MYT1L: variants seen among roughly 807,000 people sequenced by gnomAD.
The protein encoded by MYT1L is myelin transcription factor 1-like protein.
In MYT1L, 12 loss-of-function variants were observed where a neutral mutation model predicts 126.7. The ratio of observed to expected loss-of-function variants is 0.09; its 90% CI spans 0.06 to 0.15. The LOEUF (loss-of-function observed/expected upper bound fraction) is 0.15. MYT1L is among the 10% of genes least tolerant of loss of function. The probability of loss-of-function intolerance (pLI) is 1.00; values close to 1 mark genes in which losing one functional copy is unlikely to be tolerated. For synonymous variants in MYT1L, 541 were observed against 604.2 expected (o/e 0.90, Z 1.53); for missense variants, 979 against 1,585.2 (o/e 0.62, Z 6.49).
chr2:2,012,709 G>A (rs937560710), intron 4 of MYT1L, among the ~76,000 whole-genome samples: 2 of 152,136 alleles, frequency 1.3e-5, no homozygotes, highest in Admixed American at 1.3e-4. Flanking sequence ...GTTCCATCTG[G>A]CTGGGACATG....
intron 21 of MYT1L, among the ~76,000 whole-genome samples, chr2:1,832,294 AGATCAGCTGGAACCT>A (rs2040298549): frequency 6.6e-6 from 1 of 152,296 alleles, no homozygotes; most frequent in East Asian, 1.9e-4. Flanking sequence ...CCCAGAAACC[AGATCAGCTGGAACCT>A]GATCTCAGAC....
At chr2:2,267,507 G>C (rs1031967640) in intron 2 of MYT1L, among the ~76,000 whole-genome samples, 2 of 152,114 alleles carry the variant, frequency 1.3e-5, no homozygotes, top group African/African-American at 4.8e-5. Flanking sequence ...GAAATGAGGG[G>C]GATGAAACCT....
chr2:2,107,824 G>A (rs1011127616), intron 3 of MYT1L, among the ~76,000 whole-genome samples: 2 of 152,102 alleles, frequency 1.3e-5, no homozygotes, highest in Admixed American at 1.3e-4. Flanking sequence ...GAATAGGCGC[G>A]TGCACCCAGA....
chr2:1,808,933 T>G, intron 22 of MYT1L, 143 bp downstream of exon 22: 1 of 718,092 alleles, frequency 1.4e-6, no homozygotes, highest in Non-Finnish European at 2.4e-6. Flanking sequence ...TGCTTCGCTT[T>G]ATAGATGAGA....
intron 2 of MYT1L, among the ~76,000 whole-genome samples, chr2:2,225,027 A>G (rs1166585524): frequency 6.6e-6 from 1 of 151,898 alleles, no homozygotes; most frequent in Non-Finnish European, 1.5e-5. Context: ...TTTATTTTGT[A>G]CTGGGTCCCA....
intron 18 of MYT1L, among the ~76,000 whole-genome samples, chr2:1,877,799 G>A (rs77827175): frequency 0.36 from 54,426 of 149,348 alleles, 11,628 homozygotes; most frequent in African/African-American, 0.6. Context: ...CTAAATTGTA[G>A]AAAAAAAAAA....
At chr2:1,832,074 AG>A (rs1465635227) in intron 21 of MYT1L, among the ~76,000 whole-genome samples, 5 of 152,252 alleles carry the variant, frequency 3.3e-5, no homozygotes, top group Admixed American at 2.0e-4. Context: ...GTGTCCCTCG[AG>A]GTTCCTGTGT....
chr2:1,969,499 G>C (rs2059644381), intron 8 of MYT1L, among the ~76,000 whole-genome samples: 1 of 152,232 alleles, frequency 6.6e-6, no homozygotes. Context: ...GCCGGTGCCA[G>C]CCTTAGCTTC....
At chr2:2,017,822 G>A (rs550383103) in intron 4 of MYT1L, among the ~76,000 whole-genome samples, 1 of 152,052 alleles carries the variant, frequency 6.6e-6, no homozygotes, top group Non-Finnish European at 1.5e-5. Context: ...TGAATGCTAG[G>A]TTTCTGGGGC....
At chr2:2,136,817 T>C (rs1225586037) in intron 3 of MYT1L, among the ~76,000 whole-genome samples, 1 of 152,134 alleles carries the variant, frequency 6.6e-6, no homozygotes, top group Non-Finnish European at 1.5e-5. Context: ...CTATTCAACA[T>C]AGTGTTGGAA....
chr2:2,234,057 A>G (rs2094223984), intron 2 of MYT1L, among the ~76,000 whole-genome samples: 1 of 152,242 alleles, frequency 6.6e-6, no homozygotes, highest in South Asian at 2.1e-4. Context: ...ATGAAAGTCT[A>G]TTCAGTGCAT....
In MYT1L at chr2:1,874,856, C is replaced by T. The variant is rs1325684056; in HGVS notation, c.2711+11683G>A. On this transcript the variant is annotated intron_variant, in intron 18 of 24. Transcript: ENST00000647738. ...TAGGGCAACGGGATTTTCAGGCTCG[C>T]GTGAACTTCTGACAATCTTGCCAGC... is the stretch of plus-strand genomic sequence containing the variant. Among the ~76,000 whole-genome samples the T allele has an allele frequency of 3.3e-5, 5 of 152,244 alleles. No individual in the cohort carries two copies. In the East Asian group the frequency reaches 9.7e-4, roughly 30 times the overall value.
rs574062117 is a variant in MYT1L at position 2,077,951 on chromosome 2, T to A, written c.-303-23828A>T. ...TGTAATGCTTTCGTTCTTCTATACG[T>A]TTTAAAAGACAGCGGCAGAAATCAA... On this transcript the variant is annotated intron_variant, in intron 3 of 24. Transcript: ENST00000647738. Among the ~76,000 whole-genome samples the A allele has an allele frequency of 2.0e-5, 3 of 152,274 alleles. No individual in the cohort carries two copies. In the East Asian group the frequency reaches 5.8e-4, roughly 29 times the overall value.
chr2:1,833,162 C>T (rs1239219224), intron 21 of MYT1L, among the ~76,000 whole-genome samples: 2 of 152,202 alleles, frequency 1.3e-5, no homozygotes, highest in Non-Finnish European at 2.9e-5. Context: ...GTGTCCCCCA[C>T]AGTGTGTGCC....
chr2:1,865,805 T>C (rs935032098), intron 18 of MYT1L, among the ~76,000 whole-genome samples: 2 of 152,130 alleles, frequency 1.3e-5, no homozygotes, highest in African/African-American at 4.8e-5. Context: ...GACGACCCCA[T>C]GAGAAGAGCC....
Position 2,119,444 on chromosome 2 carries a change from G to C in MYT1L, c.-304+53428C>G, listed in dbSNP as rs192860048. 7.2e-4 allele frequency among the ~76,000 whole-genome samples: 109 copies of C among 152,300 alleles called. 1 individual carries two copies. Among genetic ancestry groups the C allele is most frequent in the Non-Finnish European group, 7.3e-5 (5 of 68,028 alleles). ...TAAGGGAAAATAAAATTCAGTTTTT[G>C]TGTAATGAATATATTAAAAATTTAT... On this transcript the variant is annotated intron_variant, in intron 3 of 24. Transcript: ENST00000647738.
chr2:2,129,985 T>C (rs1298809258), intron 3 of MYT1L, among the ~76,000 whole-genome samples: 2 of 151,858 alleles, frequency 1.3e-5, no homozygotes, highest in Non-Finnish European at 2.9e-5. Flanking sequence ...ACTGACCAGA[T>C]TTGACTACAT....
In MYT1L at chr2:1,979,269, C is replaced by T; in HGVS notation, c.90-42G>A. 1.3e-6 allele frequency: 2 copies of T among 1,569,522 alleles called. No homozygotes were observed. The highest frequency in any genetic ancestry group is 1.8e-6 in the Non-Finnish European group (2 of 1,142,062). On this transcript the variant is annotated intron_variant, in intron 7 of 24. Coordinates refer to ENST00000647738, the MANE Select transcript of MYT1L (RefSeq NM_001303052.2). The surrounding 1 kb of genome is among the most constrained non-coding windows in gnomAD (Gnocchi z 4.0). The stretch of plus-strand genomic sequence containing the variant: ...TGGATTACACGGTGCCGCAGGCAGG[C>T]AGGTGAGACGGAAAGCTTCCGTGGC...
intron 5 of MYT1L, among the ~76,000 whole-genome samples, chr2:1,993,835 C>T (rs556400704): frequency 7.0e-4 from 107 of 152,310 alleles, no homozygotes; most frequent in Non-Finnish European, 1.3e-3. Flanking sequence ...AGTAAAGCCA[C>T]GTGTCTCGTC....
Sources: allele counts gnomAD v4.1 joint callset (sites outside exome capture counted in the v4.1 genomes callset), GRCh38; gene constraint gnomAD v4.1.1; non-coding constraint Gnocchi (gnomAD v3.1); transcripts MANE v1.5; gene names NCBI Gene and HGNC (gene_info 2026-07-23, HGNC 2026-07-21).